UBAC2: variants seen among roughly 807,000 people sequenced by gnomAD.
UBAC2 encodes ubiquitin-associated domain-containing protein 2.
A neutral mutation model predicts 44.0 loss-of-function variants in UBAC2; 26 were observed. The observed-to-expected ratio is 0.59, with a 90% CI of 0.43 to 0.82. The LOEUF (loss-of-function observed/expected upper bound fraction) is 0.82. Ranked by LOEUF, UBAC2 falls within the 40% of genes least tolerant of loss-of-function variation. The probability of loss-of-function intolerance (pLI) is 0.00; values close to 1 mark genes in which losing one functional copy is unlikely to be tolerated. For missense variants in UBAC2, 329 were observed against 419.4 expected (o/e 0.78, Z 1.88); for synonymous variants, 155 against 154.3 (o/e 1.00, Z -0.04).
At chr13:99,215,434 C>T (rs912710077) in intron 1 of UBAC2, 4 of 1,351,296 alleles carry the variant, frequency 3.0e-6, no homozygotes, top group African/African-American at 2.9e-5. Context: ...GGAATGACAC[C>T]ACCACCAGCA....
chr13:99,314,046 TTG>T, intron 4 of UBAC2, 49 bp from the exon 5 acceptor site: 1 of 1,539,734 alleles, frequency 6.5e-7, no homozygotes, highest in South Asian at 1.3e-5. Flanking sequence ...CATCTGCCAT[TTG>T]TGTTTAAAAT....
intron 4 of UBAC2, among the ~76,000 whole-genome samples, chr13:99,256,080 A>G (rs2043550560): frequency 6.6e-6 from 1 of 152,216 alleles, no homozygotes; most frequent in South Asian, 2.1e-4. Context: ...TTGAGAGAGA[A>G]TGGGAACTTT....
In UBAC2 at chr13:99,305,717, C is replaced by T. The variant is rs192290470; in HGVS notation, c.390-8380C>T. On this transcript the variant is annotated intron_variant, in intron 4 of 8. Transcript: ENST00000403766. ...AAGGGATCATTACCATTGTCACTAA[C>T]GCGATACATAAACATGTGAGTGAAC... Among the ~76,000 whole-genome samples the T allele has an allele frequency of 2.5e-3, 378 of 152,216 alleles. 2 individuals are homozygous for T. Among genetic ancestry groups the T allele is most frequent in the African/African-American group, 4.4e-3 (184 of 41,518 alleles).
chr13:99,242,661 G>C (rs1488351145), intron 2 of UBAC2, among the ~76,000 whole-genome samples: 8 of 22,122 alleles, frequency 3.6e-4, no homozygotes, highest in Non-Finnish European at 4.6e-4. Flanking sequence ...TCCCGGACGG[G>C]GCGGCTGGCC....
At chr13:99,298,204 A>G (rs988250584) in intron 4 of UBAC2, among the ~76,000 whole-genome samples, 1 of 152,170 alleles carries the variant, frequency 6.6e-6, no homozygotes, top group Non-Finnish European at 1.5e-5. Context: ...TTAAAAGCTA[A>G]CAGAACTTGT....
rs3031384 is a variant in UBAC2, at chr13:99,216,082, T to TTGTGTGTG, written c.31+15167_31+15174dup. 4.2e-3 allele frequency among the ~76,000 whole-genome samples: 620 copies of TTGTGTGTG among 148,842 alleles called. 7 individuals are homozygous for TTGTGTGTG. Among genetic ancestry groups the TTGTGTGTG allele is most frequent in the South Asian group, 8.4e-3 (39 of 4,648 alleles). On this transcript the variant is annotated intron_variant, in intron 1 of 8. Coordinates refer to ENST00000403766, the MANE Select transcript of UBAC2 (RefSeq NM_001144072.2). ...CAATTACTTTTGTACCAACCTATAT[T>TTGTGTGTG]TGTGTGTGTGTGTGTGTGTGTGTGT...
chr13:99,334,157 T>G (rs928624544), intron 6 of UBAC2, among the ~76,000 whole-genome samples: 6 of 152,104 alleles, frequency 3.9e-5, no homozygotes, highest in Non-Finnish European at 8.8e-5. Flanking sequence ...ATGGGGGTCT[T>G]GCTCTGTTGC....
intron 4 of UBAC2, among the ~76,000 whole-genome samples, chr13:99,292,287 C>A (rs1487586556): frequency 6.6e-6 from 1 of 151,554 alleles, no homozygotes; most frequent in Non-Finnish European, 1.5e-5. Flanking sequence ...AGGCGCCCAC[C>A]ACCACGCCCA....
chr13:99,269,175 G>A (rs544698087), intron 4 of UBAC2, among the ~76,000 whole-genome samples: 22 of 152,196 alleles, frequency 1.4e-4, no homozygotes, highest in Admixed American at 1.4e-3. Flanking sequence ...GTTGCAGGAA[G>A]TCCACTCATT....
chr13:99,340,395 T>G lies in UBAC2; in HGVS notation c.637T>G (p.Phe213Val), dbSNP rs1381075757. Residue 213 changes from phenylalanine to valine, a missense_variant, in exon 7 of 9, where the codon TTC (phenylalanine) becomes GTC (valine). Physicochemically the swap from Phe to Val is conservative, Grantham distance 50. Coordinates refer to ENST00000403766, the MANE Select transcript of UBAC2 (RefSeq NM_001144072.2). ...CTGCATCCCCAGCTGGATGGCAAAA[T>G]TCTTTTCTTGGACACTTGAACCCAT... is the stretch of plus-strand genomic sequence containing the variant. Reference protein sequence around the residue: ...VLCIPSWMAKFFSWTLEPIFS... With the variant: ...VLCIPSWMAKVFSWTLEPIFS... 6 of 1,614,184 alleles carry G rather than the reference T, an allele frequency of 3.7e-6. No individual in the cohort carries two copies. Among genetic ancestry groups the G allele is most frequent in the Middle Eastern group, 1.6e-4 (1 of 6,062 alleles).
chr13:99,316,054 G>A (rs1007007243), intron 5 of UBAC2, among the ~76,000 whole-genome samples: 6 of 151,996 alleles, frequency 3.9e-5, no homozygotes, highest in East Asian at 3.9e-4. Context: ...TAGCCCTGCC[G>A]AAAGCAGAAA....
At chr13:99,355,746 C>T (rs1298394160) in intron 7 of UBAC2, among the ~76,000 whole-genome samples, 2 of 152,230 alleles carry the variant, frequency 1.3e-5, no homozygotes, top group Non-Finnish European at 2.9e-5. Flanking sequence ...GTGGCTCAGC[C>T]CGCAGCGTGC....
intron 4 of UBAC2, among the ~76,000 whole-genome samples, chr13:99,276,262 A>G (rs2043880843): frequency 6.6e-6 from 1 of 152,130 alleles, no homozygotes. Context: ...AGATCCTACA[A>G]GTCAAAGAGC....
At chr13:99,304,322 C>T (rs2044299506) in intron 4 of UBAC2, among the ~76,000 whole-genome samples, 1 of 152,158 alleles carries the variant, frequency 6.6e-6, no homozygotes, top group South Asian at 2.1e-4. Context: ...AGCCTTAGTT[C>T]TAAGTATCCC....
chr13:99,206,613 T>G (rs144828154), intron 1 of UBAC2, among the ~76,000 whole-genome samples: 1 of 152,196 alleles, frequency 6.6e-6, no homozygotes, highest in Non-Finnish European at 1.5e-5. Flanking sequence ...ATCCAGACTC[T>G]CGGAGACCTG....
intron 1 of UBAC2, among the ~76,000 whole-genome samples, chr13:99,211,901 G>A (rs1417275973): frequency 6.6e-6 from 1 of 152,126 alleles, no homozygotes; most frequent in Non-Finnish European, 1.5e-5. Context: ...TTGGGACCAT[G>A]GCAGCCTCCT....
At chr13:99,360,585 T>C (rs1196336335) in intron 7 of UBAC2, among the ~76,000 whole-genome samples, 6 of 152,248 alleles carry the variant, frequency 3.9e-5, no homozygotes, top group Admixed American at 3.9e-4. Flanking sequence ...TTAGCATTGC[T>C]TTGCTCCTTG....
chr13:99,316,460 G>A (rs528797216), intron 5 of UBAC2, among the ~76,000 whole-genome samples: 57 of 152,282 alleles, frequency 3.7e-4, no homozygotes, highest in Non-Finnish European at 7.5e-4. Context: ...AATCATAATC[G>A]GAAGAGCCAA....
Position 99,201,084 on chromosome 13 carries a change from C to T in UBAC2, c.31+145C>T. The T allele has an allele frequency of 7.5e-6, 10 of 1,339,916 alleles. 1 individual carries two copies. The South Asian group carries it at 2.1e-4, about 28-fold the overall frequency. 83.0% of individuals were successfully genotyped at this position (1,339,916 alleles called of 1,614,324 possible). A position where few individuals can be genotyped will look rare whatever the true frequency, so the allele number is the denominator to read the frequency against. On this transcript the variant is annotated intron_variant, in intron 1 of 8. Coordinates refer to ENST00000403766, the MANE Select transcript of UBAC2 (RefSeq NM_001144072.2). ...GACCCGCGTCCGAACCCTGCTAGTTCCCGGTCTTGGGGGTCAGCGGAAACC... is the reference window on the plus strand; with the variant it reads ...GACCCGCGTCCGAACCCTGCTAGTTTCCGGTCTTGGGGGTCAGCGGAAACC...
Sources: gnomAD v4.1 joint callset for allele counts (sites outside exome capture counted in the v4.1 genomes callset) on GRCh38, gnomAD v4.1.1 for gene constraint, MANE v1.5 for transcripts, NCBI Gene and HGNC (gene_info 2026-07-23, HGNC 2026-07-21) for gene names.